TENM1: variants seen among roughly 807,000 people sequenced by gnomAD.
TENM1 encodes teneurin transmembrane protein 1.
A neutral mutation model predicts 174.8 loss-of-function variants in TENM1; 35 were observed. The ratio of observed to expected loss-of-function variants is 0.20; its 90% CI spans 0.15 to 0.27. TENM1 has a LOEUF of 0.27. TENM1 is among the 10% of genes least tolerant of loss of function. The pLI, the probability that TENM1 is intolerant of heterozygous loss-of-function variation, is 1.00. For missense variants in TENM1, 1,633 were observed against 2,130.1 expected (o/e 0.77, Z 4.59); for synonymous variants, 781 against 798.7 (o/e 0.98, Z 0.37).
At chrX:125,172,387 C>T in the TENM1 span, among the ~76,000 whole-genome samples, 5 of 110,745 alleles carry the variant, frequency 4.5e-5, no homozygotes, top group South Asian at 1.9e-3. Context: ...CAAGGTCCCA[C>T]GGTGAATGTG....
chrX:124,637,101 T>C (rs1455486523), intron 11 of TENM1, among the ~76,000 whole-genome samples: 1 of 108,938 alleles, frequency 9.2e-6, no homozygotes, highest in Non-Finnish European at 1.9e-5. Context: ...TTCTTTTTTT[T>C]TTTTTGTGAC....
chrX:124,541,669 A>G (rs1316327064), intron 15 of TENM1, among the ~76,000 whole-genome samples: 1 of 112,166 alleles, frequency 8.9e-6, no homozygotes, highest in East Asian at 2.8e-4. Flanking sequence ...TCACACTTCA[A>G]AATCATAACT....
chrX:124,882,804 G>C (rs754389799), intron 3 of TENM1, among the ~76,000 whole-genome samples: 32 of 111,365 alleles, frequency 2.9e-4, no homozygotes, highest in Non-Finnish European at 5.3e-4. Flanking sequence ...TTGGTAGTTT[G>C]ACAGGAACAG....
At chrX:124,842,253 G>T (rs1027953048) in intron 3 of TENM1, among the ~76,000 whole-genome samples, 3 of 111,750 alleles carry the variant, frequency 2.7e-5, no homozygotes, top group Non-Finnish European at 5.6e-5. Flanking sequence ...TCTGAAATGA[G>T]TAAATGAACA....
chrX:124,806,272 G>C (rs1363131064), intron 3 of TENM1, among the ~76,000 whole-genome samples: 4 of 111,635 alleles, frequency 3.6e-5, no homozygotes, highest in Non-Finnish European at 5.7e-5. Context: ...AGTCAAAGGA[G>C]AGAAAAAAAG....
chrX:125,047,268 AT>A, the TENM1 span, among the ~76,000 whole-genome samples: 1 of 111,853 alleles, frequency 8.9e-6, no homozygotes, highest in Non-Finnish European at 1.9e-5. Context: ...TTTGAAGCTT[AT>A]ACAGTACGAG....
intron 5 of TENM1, among the ~76,000 whole-genome samples, chrX:124,700,797 T>C (rs1455912610): frequency 8.9e-6 from 1 of 111,750 alleles, no homozygotes; most frequent in East Asian, 2.8e-4. Context: ...TTGCACTTTC[T>C]TTTTGAGGCG....
At chrX:124,988,529 G>A in the TENM1 span, among the ~76,000 whole-genome samples, 61 of 109,146 alleles carry the variant, frequency 5.6e-4, no homozygotes, top group Admixed American at 4.0e-3. Context: ...AACGGAGAAG[G>A]AAATATTTGC....
chrX:124,499,011 G>A (rs1602545073), intron 19 of TENM1, among the ~76,000 whole-genome samples: 1 of 111,796 alleles, frequency 8.9e-6, no homozygotes, highest in East Asian at 2.8e-4. Flanking sequence ...AAGTACTGCT[G>A]TGCTAAATAG....
intron 1 of TENM1, among the ~76,000 whole-genome samples, chrX:124,951,639 AATATATATAT>A (rs1156297240): frequency 6.3e-5 from 4 of 63,019 alleles, no homozygotes; most frequent in African/African-American, 2.6e-4. Flanking sequence ...GAAAAGTTAA[AATATATATAT>A]ATATATATAT....
chrX:124,645,442 T>A (rs1260723308), intron 9 of TENM1, 105 bp from the exon 13 acceptor site: 1 of 769,272 alleles, frequency 1.3e-6, no homozygotes, highest in Non-Finnish European at 1.9e-6. Context: ...ATTGTACTAT[T>A]TCTGTCTTAC....
Position 124,454,350 on chromosome X carries a change from C to A in TENM1, c.3950-859G>T, listed in dbSNP as rs143750924. 4.0e-3 allele frequency among the ~76,000 whole-genome samples: 427 copies of A among 106,727 alleles called. 2 individuals are homozygous for A. The highest frequency in any genetic ancestry group is 0.014 in the African/African-American group (397 of 28,964). 92.7% of individuals were successfully genotyped at this position (106,727 alleles called of 115,157 possible). On this transcript the variant is annotated intron_variant, in intron 22 of 31. Transcript: ENST00000422452. ...GCAGAGCTCAGTTTTAAAACTAGGA[C>A]CATCCTTGACAAACCAGGATGAGCT...
the TENM1 span, among the ~76,000 whole-genome samples, chrX:125,093,187 A>G: frequency 8.9e-6 from 1 of 112,065 alleles, no homozygotes; most frequent in Non-Finnish European, 1.9e-5. Flanking sequence ...AGATTAGCTC[A>G]GTGGACCTAG....
intron 22 of TENM1, among the ~76,000 whole-genome samples, chrX:124,477,149 AT>A (rs2046744281): frequency 8.9e-6 from 1 of 112,258 alleles, no homozygotes; most frequent in Admixed American, 9.4e-5. Flanking sequence ...ATTTAATAAA[AT>A]GAAGATTTCC....
intron 11 of TENM1, among the ~76,000 whole-genome samples, chrX:124,605,494 CT>C (rs1192615129): frequency 9.1e-6 from 1 of 110,097 alleles, no homozygotes; most frequent in Non-Finnish European, 1.9e-5. Context: ...TCTCCAGTAT[CT>C]TTTTCCAATG....
chrX:124,996,267 G>T, the TENM1 span, among the ~76,000 whole-genome samples: 2 of 110,349 alleles, frequency 1.8e-5, no homozygotes, highest in Admixed American at 1.9e-4. Context: ...ACACTCCTAA[G>T]TCCCTGAAAA....
the TENM1 span, among the ~76,000 whole-genome samples, chrX:125,090,739 G>A: frequency 9.0e-6 from 1 of 111,185 alleles, no homozygotes; most frequent in African/African-American, 3.3e-5. Context: ...GTCATATGGA[G>A]GCAATATTTC....
intron 3 of TENM1, among the ~76,000 whole-genome samples, chrX:124,775,483 T>C (rs773053300): frequency 9.0e-6 from 1 of 111,416 alleles, no homozygotes; most frequent in East Asian, 2.8e-4. Context: ...CCAGTGACTA[T>C]ATTAGTGGGT....
the TENM1 span, among the ~76,000 whole-genome samples, chrX:125,036,679 T>C: frequency 2.7e-5 from 3 of 111,971 alleles, no homozygotes; most frequent in Admixed American, 9.5e-5. Flanking sequence ...CATAAAATAG[T>C]CTTTACTTCT....
Sources: gnomAD v4.1 joint callset for allele counts (sites outside exome capture counted in the v4.1 genomes callset) on GRCh38, gnomAD v4.1.1 for gene constraint, MANE v1.5 for transcripts, NCBI Gene and HGNC (gene_info 2026-07-23, HGNC 2026-07-21) for gene names.